The following CNTNAP2 variants were observed in gnomAD, a reference collection of about 807,000 sequenced individuals.
The protein encoded by CNTNAP2 is contactin associated protein 2.
A neutral mutation model predicts 155.2 loss-of-function variants in CNTNAP2; 98 were observed. The ratio of observed to expected loss-of-function variants is 0.63; its 90% CI spans 0.54 to 0.75. CNTNAP2 has a LOEUF of 0.75. CNTNAP2 is among the 30% of genes least tolerant of loss of function. CNTNAP2 has a pLI of 0.00. For synonymous variants in CNTNAP2, 651 were observed against 631.2 expected (o/e 1.03, Z -0.47); for missense variants, 1,727 against 1,688.1 (o/e 1.02, Z -0.40).
intron 9 of CNTNAP2, among the ~76,000 whole-genome samples, chr7:147,325,296 C>G (rs573963017): frequency 6.6e-6 from 1 of 152,168 alleles, no homozygotes; most frequent in Non-Finnish European, 1.5e-5. Context: ...CAGGGCAAGA[C>G]TCCATCTCAA....
At chr7:147,799,345 G>A (rs1346048594) in intron 13 of CNTNAP2, among the ~76,000 whole-genome samples, 1 of 152,132 alleles carries the variant, frequency 6.6e-6, no homozygotes, top group African/African-American at 2.4e-5. Flanking sequence ...CAATAATCCT[G>A]TAGGCATTCA....
At chr7:147,362,483 A>C (rs1796162673) in intron 9 of CNTNAP2, among the ~76,000 whole-genome samples, 1 of 152,144 alleles carries the variant, frequency 6.6e-6, no homozygotes, top group African/African-American at 2.4e-5. Flanking sequence ...ACATAATGTC[A>C]CTTCCACCAT....
chr7:147,732,016 A>G (rs1796748778), intron 13 of CNTNAP2, among the ~76,000 whole-genome samples: 1 of 151,986 alleles, frequency 6.6e-6, no homozygotes, highest in Non-Finnish European at 1.5e-5. Context: ...TGCTTCTTCC[A>G]GATGAGCAAA....
At chr7:147,924,760 A>G (rs1327626359) in intron 14 of CNTNAP2, among the ~76,000 whole-genome samples, 1 of 152,132 alleles carries the variant, frequency 6.6e-6, no homozygotes, top group Non-Finnish European at 1.5e-5. Context: ...TGTGCAGAGT[A>G]TGAGAGCCAA....
intron 1 of CNTNAP2, among the ~76,000 whole-genome samples, chr7:146,539,840 G>T (rs1295238932): frequency 2.6e-5 from 4 of 152,074 alleles, no homozygotes; most frequent in African/African-American, 9.7e-5. Context: ...TGAAAGTCAA[G>T]AAATGTTTGT....
intron 18 of CNTNAP2, among the ~76,000 whole-genome samples, chr7:148,185,660 A>T (rs1041176803): frequency 2.0e-5 from 3 of 152,222 alleles, no homozygotes; most frequent in Non-Finnish European, 4.4e-5. Context: ...AGATGAATAA[A>T]GCTATAAGTA....
intron 20 of CNTNAP2, among the ~76,000 whole-genome samples, chr7:148,235,494 C>A (rs1398342176): frequency 2.6e-5 from 4 of 152,226 alleles, no homozygotes; most frequent in Admixed American, 2.6e-4. Flanking sequence ...GCTGGGCAGG[C>A]ACTCTGAGGA....
chr7:146,951,842 A>G (rs543745493), intron 3 of CNTNAP2, among the ~76,000 whole-genome samples: 12 of 152,306 alleles, frequency 7.9e-5, no homozygotes, highest in African/African-American at 2.9e-4. Context: ...AGTCAATGGT[A>G]GCTTGATGGG....
intron 1 of CNTNAP2, among the ~76,000 whole-genome samples, chr7:146,587,978 GA>G: frequency 1.3e-5 from 2 of 149,166 alleles, no homozygotes; most frequent in African/African-American, 5.0e-5. Flanking sequence ...CCGGCCTGAT[GA>G]TTAATTTTCA....
chr7:146,995,040 A>C (rs1798280892), intron 3 of CNTNAP2, among the ~76,000 whole-genome samples: 1 of 152,060 alleles, frequency 6.6e-6, no homozygotes, highest in African/African-American at 2.4e-5. Flanking sequence ...CTCTACTTCT[A>C]TGAGATCATT....
chr7:148,165,209 T>G (rs1805629696), intron 17 of CNTNAP2, among the ~76,000 whole-genome samples: 1 of 152,216 alleles, frequency 6.6e-6, no homozygotes, highest in South Asian at 2.1e-4. Flanking sequence ...GACTGCTGTC[T>G]TCTTGCCGTG....
chr7:146,513,470 C>CTAT (rs1474716673), intron 1 of CNTNAP2, among the ~76,000 whole-genome samples: 1 of 151,606 alleles, frequency 6.6e-6, no homozygotes, highest in East Asian at 1.9e-4. Context: ...TCTCTTATAC[C>CTAT]ATGAAGCTTA....
intron 3 of CNTNAP2, among the ~76,000 whole-genome samples, chr7:146,939,582 T>A (rs112918179): frequency 0.041 from 6,201 of 152,276 alleles, 144 homozygotes; most frequent in Middle Eastern, 0.088. Flanking sequence ...GATTTTACGG[T>A]TCCCATGAGA....
chr7:148,325,567 A>C lies in CNTNAP2; in HGVS notation c.3476-58082A>C, dbSNP rs140786467. On this transcript the variant is annotated intron_variant, in intron 21 of 23. Transcript: ENST00000361727. ...CAGCATCTAATTCAGAGAGTTGCAC[A>C]GGAGATGGCCAAAGGCACTATCTGC... Among the ~76,000 whole-genome samples the C allele has an allele frequency of 2.5e-3, 388 of 152,368 alleles. 1 individual carries two copies. The highest frequency in any genetic ancestry group is 8.2e-3 in the African/African-American group (339 of 41,588).
chr7:147,306,854 A>C (rs916740475), intron 9 of CNTNAP2, among the ~76,000 whole-genome samples: 25 of 152,210 alleles, frequency 1.6e-4, no homozygotes, highest in Admixed American at 1.3e-4. Flanking sequence ...CTACCAAATA[A>C]ATGAAATCAT....
chr7:146,233,706 A>T (rs974094814), intron 1 of CNTNAP2, among the ~76,000 whole-genome samples: 4 of 151,984 alleles, frequency 2.6e-5, no homozygotes, highest in African/African-American at 7.2e-5. Flanking sequence ...ATGAGTGAGA[A>T]TATGCGGTGT....
intron 13 of CNTNAP2, among the ~76,000 whole-genome samples, chr7:147,728,200 CAATT>C (rs1796677314): frequency 6.6e-6 from 1 of 151,392 alleles, no homozygotes; most frequent in Admixed American, 6.6e-5. Flanking sequence ...TGTGTGTGAT[CAATT>C]CTTTCAGCTT....
chr7:146,961,326 C>T (rs901532665), intron 3 of CNTNAP2, among the ~76,000 whole-genome samples: 1 of 152,108 alleles, frequency 6.6e-6, no homozygotes, highest in African/African-American at 2.4e-5. Context: ...CAACCATTAG[C>T]CCACATGTAG....
chr7:147,982,837 G>GAA (rs1801554356), intron 15 of CNTNAP2, among the ~76,000 whole-genome samples: 1 of 151,842 alleles, frequency 6.6e-6, no homozygotes, highest in Non-Finnish European at 1.5e-5. Context: ...GGCCAACATG[G>GAA]TGAAGCCCTG....
Sources: gnomAD v4.1 joint callset for allele counts (sites outside exome capture counted in the v4.1 genomes callset) on GRCh38, gnomAD v4.1.1 for gene constraint, MANE v1.5 for transcripts, NCBI Gene and HGNC (gene_info 2026-07-23, HGNC 2026-07-21) for gene names.